The following NEFM variants were observed in gnomAD, a reference collection of about 807,000 sequenced individuals.
The protein encoded by NEFM is neurofilament medium chain.
A neutral mutation model predicts 48.1 loss-of-function variants in NEFM; 16 were observed. The observed-to-expected ratio is 0.33, with a 90% confidence interval of 0.23 to 0.51. NEFM has a LOEUF of 0.51. NEFM is among the 20% of genes least tolerant of loss of function. The pLI, the probability that NEFM is intolerant of heterozygous loss-of-function variation, is 0.98. For synonymous variants in NEFM, 465 were observed against 456.9 expected (o/e 1.02, Z -0.23); for missense variants, 1,107 against 1,136.0 (o/e 0.97, Z 0.37).
Position 24,914,788 on chromosome 8 carries a change from A to G in NEFM, c.995A>G (p.Glu332Gly). 6.2e-7 allele frequency: 1 copy of G among 1,608,570 alleles called. No homozygotes were observed. The highest frequency in any genetic ancestry group is 8.5e-7 in the Non-Finnish European group (1 of 1,177,910). ...RQLQSKSIEL[E>G]SVRGTKESLE... is the part of the protein sequence containing the mutation. Reference sequence around the variant, plus strand: ...CTGCAGTCCAAGAGCATCGAGCTAGAGTCGGTGCGCGGCACCAAGGAGTCC... The same window carrying G: ...CTGCAGTCCAAGAGCATCGAGCTAGGGTCGGTGCGCGGCACCAAGGAGTCC... Residue 332 changes from glutamate to glycine, a missense_variant, in exon 1 of 3, where the codon GAG (glutamate) becomes GGG (glycine). Transcript: ENST00000221166.
rs760256198 is a variant in NEFM, at chr8:24,917,191, C to A, written c.1336C>A (p.Leu446Ile). ...GAAACCCAAGGTGGAAGCTCCCAAG[C>A]TTAAGGTCCAACACAAATTTGTCGA... is the stretch of plus-strand genomic sequence containing the variant. Reference protein sequence around the residue: ...IQKPKVEAPKLKVQHKFVEEI... With the variant: ...IQKPKVEAPKIKVQHKFVEEI... Residue 446 changes from leucine to isoleucine, a missense_variant, in exon 3 of 3, where the codon CTT becomes ATT. This residue lies in a region of NEFM where 917 missense variants were observed against 916.4 expected (regional missense o/e 1.00). Coordinates refer to ENST00000221166, the MANE Select transcript of NEFM (RefSeq NM_005382.2). 6.2e-7 allele frequency: 1 copy of A among 1,613,984 alleles called. No homozygotes were observed. The highest frequency in any genetic ancestry group is 1.7e-5 in the Admixed American group (1 of 60,004).
In NEFM at chr8:24,918,059, A is replaced by G. The variant is rs1434326191; in HGVS notation, c.2204A>G (p.Glu735Gly). 6.4e-7 allele frequency: 1 copy of G among 1,553,956 alleles called. No homozygotes were observed. The highest frequency in any genetic ancestry group is 8.7e-7 in the Non-Finnish European group (1 of 1,148,190). Residue 735 changes from glutamate (E) to glycine (G), a missense_variant, in exon 3 of 3, where the codon GAG becomes GGG. Glu to Gly is a moderately conservative substitution (Grantham distance 98). Transcript: ENST00000221166. ...PKDVPEKKKA[E>G]SPVKEEAVAE... ...GATGTGCCAGAGAAGAAGAAAGCTG[A>G]GTCCCCTGTAAAGGAGGAAGCTGTG...
Position 24,915,744 on chromosome 8 carries a change from A to ACGTG in NEFM, c.1205+20_1205+23dup. The ACGTG allele has an allele frequency of 6.2e-7, 1 of 1,613,968 alleles. No homozygotes were observed. Among genetic ancestry groups the ACGTG allele is most frequent in the Non-Finnish European group, 8.5e-7 (1 of 1,179,946 alleles). On this transcript the variant is annotated intron_variant, in intron 2 of 2. Transcript: ENST00000221166. Reference sequence around the variant, plus strand: ...GCTGCGTACAGGTACGATGCTTACTACGTGCGTGGCCGGAACACTAACCGC... The same window carrying ACGTG: ...GCTGCGTACAGGTACGATGCTTACTACGTGCGTGCGTGGCCGGAACACTAACCGC...
Position 24,915,718 on chromosome 8 carries a change from C to T in NEFM, c.1194C>T (p.Ile398=). 1 of 1,614,056 alleles carries T rather than the reference C, an allele frequency of 6.2e-7. No homozygotes were observed. ...TCAAGATGGCTCTGGATATAGAAAT[C>T]GCTGCGTACAGGTACGATGCTTACT... ...LNVKMALDIE[I]AAYRKLLEGE... The change falls in exon 2 of 3, where the codon ATC becomes ATT. Residue 398 remains isoleucine (I), a synonymous_variant. Coordinates refer to ENST00000221166, the MANE Select transcript of NEFM (RefSeq NM_005382.2).
Position 24,914,344 on chromosome 8 carries a change from G to A in NEFM, c.551G>A (p.Arg184Gln). Residue 184 changes from arginine to glutamine, a missense_variant, in exon 1 of 3, where the codon CGG becomes CAG. By Grantham distance (43) the Arg-to-Gln change is conservative. Around this residue, in one of 3 missense-constraint regions of NEFM, gnomAD observed 917 missense variants for 916.4 expected, o/e 1.00. Transcript: ENST00000221166. ...DSDHLEEDIH[R>Q]LKERFEEEAR... ...GACCACCTGGAGGAAGACATCCACC[G>A]GCTCAAGGAGCGCTTTGAGGAGGAG... 6.2e-7 allele frequency: 1 copy of A among 1,613,576 alleles called. No homozygotes were observed. Among genetic ancestry groups the A allele is most frequent in the Non-Finnish European group, 8.5e-7 (1 of 1,179,934 alleles).
intron 2 of NEFM, 109 bp downstream of exon 2, chr8:24,915,838 C>T (rs1802565379): frequency 7.2e-7 from 1 of 1,394,082 alleles, no homozygotes; most frequent in Non-Finnish European, 1.0e-6. Context: ...GGCATCAACT[C>T]AGCACCTGGT....
At chr8:24,914,932 A>C in intron 1 of NEFM, 59 bp downstream of exon 1, 1 of 1,528,042 alleles carries the variant, frequency 6.5e-7, no homozygotes, top group Non-Finnish European at 8.8e-7. Context: ...CGCCCCCGAC[A>C]CTTGGGCTCG....
chr8:24,917,512 T>G lies in NEFM; in HGVS notation c.1657T>G (p.Ser553Ala). 1 of 1,554,414 alleles carries G rather than the reference T, an allele frequency of 6.4e-7. No homozygotes were observed. Among genetic ancestry groups the G allele is most frequent in the Non-Finnish European group, 8.7e-7 (1 of 1,148,818 alleles). Residue 553 changes from serine to alanine, a missense_variant, in exon 3 of 3, where the codon TCC (serine) becomes GCC (alanine). Physicochemically the swap from Ser to Ala is moderately conservative, Grantham distance 99 (BLOSUM62 1). Transcript: ENST00000221166. ...GTCAGACCAAGCCGAAGAGGGAGGA[T>G]CCGAGAAGGAAGGCTCTAGTGAAAA... ...AKSDQAEEGG[S>A]EKEGSSEKEE...
Position 24,918,752 on chromosome 8 carries a change from C to T in NEFM, c.*146C>T. On this transcript the variant is annotated 3_prime_UTR_variant, in exon 3 of 3. Transcript: ENST00000221166. ...AATATGAGGGGACTGCATGCAAGCT[C>T]AGGGTGCTCCCTCCTCAGTCTTTGG... The T allele has an allele frequency of 1.4e-6, 1 of 712,578 alleles. No individual in the cohort carries two copies. Among genetic ancestry groups the T allele is most frequent in the Admixed American group, 2.0e-5 (1 of 49,150 alleles). 44.1% of individuals were successfully genotyped at this position (712,578 alleles called of 1,614,324 possible).
Position 24,918,580 on chromosome 8 carries a change from GT to G in NEFM, c.2726del (p.Val909GlufsTer11), listed in dbSNP as rs1278145286. ...KVEKVTSHAI[V>X]KEVTQSD ...AGAAAAAGTCACTTCACACGCCATA[GT>G]AAAGGAAGTCACCCAGAGTGACTAA... On this transcript the variant is annotated frameshift_variant, in exon 3 of 3. Transcript: ENST00000221166. LOFTEE classifies it high-confidence loss of function. The G allele has an allele frequency of 6.2e-7, 1 of 1,612,164 alleles. No homozygotes were observed. The highest frequency in any genetic ancestry group is 1.1e-5 in the South Asian group (1 of 91,016).
rs1367122962 is a variant in NEFM at position 24,917,424 on chromosome 8, G to A, written c.1569G>A (p.Glu523=). 6.4e-7 allele frequency: 1 copy of A among 1,558,942 alleles called. No homozygotes were observed. Among genetic ancestry groups the A allele is most frequent in the Non-Finnish European group, 8.7e-7 (1 of 1,151,054 alleles). ...VKATAPEVKE[E]EGEKEEEEGQ... ...CAACTGCACCTGAAGTTAAAGAAGA[G>A]GAAGGGGAAAAGGAGGAAGAAGAAG... The change falls in exon 3 of 3, where the codon GAG becomes GAA. Residue 523 remains glutamate, a synonymous_variant. Transcript: ENST00000221166.
chr8:24,916,616 C>T (rs1802576903), intron 2 of NEFM, among the ~76,000 whole-genome samples: 9 of 152,146 alleles, frequency 5.9e-5, no homozygotes, highest in Admixed American at 6.5e-5. Context: ...AAAATCTAAA[C>T]GTTTAAGAAA....
At position 24,918,123 on chromosome 8, in the gene NEFM, C is replaced by G; in HGVS notation, c.2268C>G (p.His756Gln). ...CCATCACCAAATCGGTAAAGGTGCACTTGGAGAAAGAGACCAAAGAAGAGG... is the reference window on the plus strand; with the variant it reads ...CCATCACCAAATCGGTAAAGGTGCAGTTGGAGAAAGAGACCAAAGAAGAGG... ...VVTITKSVKV[H>Q]LEKETKEEGK... Residue 756 changes from histidine to glutamine, a missense_variant, in exon 3 of 3, where the codon CAC (histidine) becomes CAG (glutamine). This residue lies in a region of NEFM where 917 missense variants were observed against 916.4 expected (regional missense o/e 1.00). Coordinates refer to ENST00000221166, the MANE Select transcript of NEFM (RefSeq NM_005382.2). The G allele has an allele frequency of 6.4e-7, 1 of 1,551,470 alleles. No homozygotes were observed. Among genetic ancestry groups the G allele is most frequent in the Non-Finnish European group, 8.7e-7 (1 of 1,147,062 alleles).
In NEFM at chr8:24,918,343, G is replaced by A. The variant is rs752660769; in HGVS notation, c.2488G>A (p.Val830Ile). 3.7e-6 allele frequency: 6 copies of A among 1,613,964 alleles called. No homozygotes were observed. The African/African-American group carries it at 4.0e-5, about 11-fold the overall frequency. The change falls in exon 3 of 3, where the codon GTC becomes ATC. Residue 830 changes from valine (V) to isoleucine (I), a missense_variant. This residue lies in a region of NEFM where 917 missense variants were observed against 916.4 expected (regional missense o/e 1.00). Coordinates refer to ENST00000221166, the MANE Select transcript of NEFM (RefSeq NM_005382.2). ...TGGGAGGGAAGAGGAGAAAGGCGTT[G>A]TCACCAATGGCCTAGACTTGAGCCC... ...GSGREEEKGV[V>I]TNGLDLSPAD...
rs1290777587 is a variant in NEFM, at chr8:24,914,545, C to A, written c.752C>A (p.Ala251Glu). The A allele has an allele frequency of 6.2e-7, 1 of 1,614,064 alleles. No individual in the cohort carries two copies. The highest frequency in any genetic ancestry group is 8.5e-7 in the Non-Finnish European group (1 of 1,180,054). The change falls in exon 1 of 3, where the codon GCA (alanine) becomes GAA (glutamate). Residue 251 changes from alanine to glutamate, a missense_variant. Ala to Glu is a moderately radical substitution (Grantham distance 107). Transcript: ENST00000221166. ...EVADLLAQIQ[A>E]SHITVERKDY... ...GCCGACCTTCTGGCCCAGATCCAGG[C>A]ATCGCACATCACGGTGGAGCGCAAA... is the stretch of plus-strand genomic sequence containing the variant.
rs1381825066 is a variant in NEFM at position 24,918,684 on chromosome 8, G to C, written c.*78G>C. On this transcript the variant is annotated 3_prime_UTR_variant, in exon 3 of 3. Coordinates refer to ENST00000221166, the MANE Select transcript of NEFM (RefSeq NM_005382.2). ...TGATTGGCAGCTTCAAAACAGAACG[G>C]GTTCTCCCATGGGGGCTCCAGACAT... 9.4e-7 allele frequency: 1 copy of C among 1,060,954 alleles called. No individual in the cohort carries two copies. The highest frequency in any genetic ancestry group is 2.9e-4 in the Middle Eastern group (1 of 3,414). 65.7% of individuals were successfully genotyped at this position (1,060,954 alleles called of 1,614,324 possible). A position where few individuals can be genotyped will look rare whatever the true frequency, so the allele number is the denominator to read the frequency against.
At chr8:24,914,953 C>T in intron 1 of NEFM, 80 bp downstream of exon 1, 2 of 1,455,652 alleles carry the variant, frequency 1.4e-6, no homozygotes, top group Non-Finnish European at 9.0e-7. Context: ...TGCCCAGGCG[C>T]CCTCTCCGCC....
Position 24,917,352 on chromosome 8 carries a change from C to G in NEFM, c.1497C>G (p.Pro499=). The G allele has an allele frequency of 6.2e-7, 1 of 1,605,800 alleles. No homozygotes were observed. Among genetic ancestry groups the G allele is most frequent in the Non-Finnish European group, 8.5e-7 (1 of 1,175,812 alleles). The change falls in exon 3 of 3, where the codon CCC becomes CCG. Residue 499 remains proline, a synonymous_variant. Transcript: ENST00000221166. ...CAGCAGAAGAAAAGGAAGAGGAACC[C>G]GAAGCTGAAGAAGAAGAAGTAGCTG... ...KEAAEEKEEE[P]EAEEEEVAAK... is the part of the protein sequence containing the mutation.
Position 24,917,298 on chromosome 8 carries a change from C to T in NEFM, c.1443C>T (p.Ala481=), listed in dbSNP as rs779641912. The T allele has an allele frequency of 1.2e-6, 2 of 1,613,830 alleles. No homozygotes were observed. Among genetic ancestry groups the T allele is most frequent in the South Asian group, 1.1e-5 (1 of 91,042 alleles). ...EALTAITEEL[A]VSMKEEKKEA... is the part of the protein sequence containing the mutation. ...TGACAGCCATTACAGAGGAATTGGC[C>T]GTTTCCATGAAGGAAGAGAAGAAAG... Residue 481 remains alanine, a synonymous_variant, in exon 3 of 3, where the codon GCC becomes GCT. Coordinates refer to ENST00000221166, the MANE Select transcript of NEFM (RefSeq NM_005382.2).
Sources: allele counts gnomAD v4.1 joint callset (sites outside exome capture counted in the v4.1 genomes callset), GRCh38; gene constraint gnomAD v4.1.1; regional missense constraint gnomAD v4.1.1; transcripts MANE v1.5; gene names NCBI Gene and HGNC (gene_info 2026-07-23, HGNC 2026-07-21).